KPNA6: variants seen among roughly 807,000 people sequenced by gnomAD.
KPNA6 encodes importin subunit alpha-7.
A neutral mutation model predicts 72.0 loss-of-function variants in KPNA6; 9 were observed. The observed-to-expected ratio is 0.13, with a 90% confidence interval of 0.08 to 0.22. KPNA6 has a LOEUF of 0.22. Among genes scored for constraint, KPNA6 ranks in the 10% least tolerant of loss-of-function variants. KPNA6 has a pLI of 1.00. For synonymous variants in KPNA6, 219 were observed against 242.1 expected (o/e 0.90, Z 0.89); for missense variants, 374 against 655.7 (o/e 0.57, Z 4.69).
intron 11 of KPNA6, among the ~76,000 whole-genome samples, chr1:32,166,611 C>T (rs1384767854): frequency 1.5e-4 from 18 of 121,006 alleles, no homozygotes; most frequent in Middle Eastern, 7.0e-3. Context: ...GGCAACAGAG[C>T]GAGACTCCGT....
At chr1:32,119,024 A>AT (rs1557457192) in intron 1 of KPNA6, among the ~76,000 whole-genome samples, 5 of 74,318 alleles carry the variant, frequency 6.7e-5, no homozygotes, top group African/African-American at 8.2e-5. Flanking sequence ...ATATATATAT[A>AT]TATATATATT....
chr1:32,139,930 T>C (rs1315335313), intron 1 of KPNA6, among the ~76,000 whole-genome samples: 1 of 152,212 alleles, frequency 6.6e-6, no homozygotes, highest in Non-Finnish European at 1.5e-5. Context: ...AAATTTTCCA[T>C]GATAAAATGT....
At chr1:32,156,142 G>C (rs1259320059) in intron 2 of KPNA6, among the ~76,000 whole-genome samples, 1 of 149,810 alleles carries the variant, frequency 6.7e-6, no homozygotes, top group East Asian at 2.0e-4. Flanking sequence ...TTGCCCTGTT[G>C]CCCAGGTTGG....
At chr1:32,157,555 G>T in intron 4 of KPNA6, 110 bp downstream of exon 4, 1 of 734,710 alleles carries the variant, frequency 1.4e-6, no homozygotes. Flanking sequence ...TAGCCCTACT[G>T]ACCTTGGTGT....
chr1:32,153,015 T>G (rs1570049497), intron 1 of KPNA6, among the ~76,000 whole-genome samples: 1 of 46,540 alleles, frequency 2.1e-5, no homozygotes, highest in Non-Finnish European at 3.6e-5. Context: ...AGACTCCATC[T>G]CAAAAAAAAA....
chr1:32,133,767 G>A (rs1411615619), intron 1 of KPNA6, among the ~76,000 whole-genome samples: 5 of 152,138 alleles, frequency 3.3e-5, no homozygotes, highest in East Asian at 1.9e-4. Context: ...CAGCATGGGC[G>A]TGGTGGCTCA....
Position 32,173,156 on chromosome 1 carries a change from AC to A in KPNA6, c.*2264del. On this transcript the variant is annotated 3_prime_UTR_variant, in exon 14 of 14. Coordinates refer to ENST00000373625, the MANE Select transcript of KPNA6 (RefSeq NM_012316.5). The stretch of plus-strand genomic sequence containing the variant: ...CTTGGCCTGCTACCTCCATTAAAAA[AC>A]CATTCTCTTACAGTTTAAAAAAAAA... The A allele has an allele frequency of 2.6e-6, 1 of 384,454 alleles. No homozygotes were observed. The highest frequency in any genetic ancestry group is 4.5e-6 in the Non-Finnish European group (1 of 223,622). The allele number at this position is 384,454 out of a possible 1,614,324, so 23.8% of individuals were successfully genotyped here. A position where few individuals can be genotyped will look rare whatever the true frequency, so the allele number is the denominator to read the frequency against.
At chr1:32,109,239 G>A (rs1254806819) in intron 1 of KPNA6, among the ~76,000 whole-genome samples, 1 of 152,066 alleles carries the variant, frequency 6.6e-6, no homozygotes, top group African/African-American at 2.4e-5. Flanking sequence ...CGCGATCTCG[G>A]CTCACTGCAA....
At chr1:32,121,988 G>A (rs762236341) in intron 1 of KPNA6, among the ~76,000 whole-genome samples, 36 of 148,918 alleles carry the variant, frequency 2.4e-4, no homozygotes, top group Admixed American at 6.1e-4. Flanking sequence ...AAAAAGCCAA[G>A]AGAGGCTGGG....
intron 1 of KPNA6, among the ~76,000 whole-genome samples, chr1:32,144,589 G>A (rs759011499): frequency 2.0e-5 from 3 of 152,060 alleles, no homozygotes; most frequent in Admixed American, 6.6e-5. Flanking sequence ...CTTAGCCAGC[G>A]TGTGCTTTTA....
chr1:32,171,919 A>G lies in KPNA6; in HGVS notation c.*1025A>G, dbSNP rs1380833243. 1 of 152,080 alleles carries G rather than the reference A, an allele frequency of 6.6e-6. No individual in the cohort carries two copies. Among genetic ancestry groups the G allele is most frequent in the East Asian group, 1.9e-4 (1 of 5,174 alleles). 9.4% of individuals were successfully genotyped at this position (152,080 alleles called of 1,614,324 possible). On this transcript the variant is annotated 3_prime_UTR_variant, in exon 14 of 14. Transcript: ENST00000373625. ...TCTGGTGACCTGTAAGTTGCAGAGGAGGGTGGAGTGAGAGTGTCATGTATT... is the reference window on the plus strand; with the variant it reads ...TCTGGTGACCTGTAAGTTGCAGAGGGGGGTGGAGTGAGAGTGTCATGTATT...
chr1:32,144,294 A>G (rs1641893033), intron 1 of KPNA6, among the ~76,000 whole-genome samples: 1 of 152,176 alleles, frequency 6.6e-6, no homozygotes, highest in African/African-American at 2.4e-5. Flanking sequence ...CCCAGGTGGA[A>G]TAGATGGTTA....
intron 1 of KPNA6, among the ~76,000 whole-genome samples, chr1:32,137,803 T>C (rs1053460533): frequency 6.6e-6 from 1 of 152,032 alleles, no homozygotes; most frequent in African/African-American, 2.4e-5. Context: ...CATGGGTGAC[T>C]CCAAGACCAG....
chr1:32,164,937 A>G (rs929573965), intron 10 of KPNA6, among the ~76,000 whole-genome samples: 2 of 151,924 alleles, frequency 1.3e-5, no homozygotes, highest in African/African-American at 4.8e-5. Context: ...TGTCTTTGTC[A>G]CCCAGGCTAG....
intron 1 of KPNA6, among the ~76,000 whole-genome samples, chr1:32,120,968 A>C (rs1307769381): frequency 6.7e-6 from 1 of 150,336 alleles, no homozygotes; most frequent in Non-Finnish European, 1.5e-5. Flanking sequence ...TCCTGAGTTC[A>C]AGCGTTCAAG....
At chr1:32,131,140 A>T (rs573838790) in intron 1 of KPNA6, among the ~76,000 whole-genome samples, 2 of 152,190 alleles carry the variant, frequency 1.3e-5, no homozygotes, top group East Asian at 3.9e-4. Flanking sequence ...CTAAAAATAC[A>T]GAAATTGGCC....
chr1:32,165,226 T>A (rs1262369115), intron 10 of KPNA6, among the ~76,000 whole-genome samples: 1 of 152,128 alleles, frequency 6.6e-6, no homozygotes, highest in Admixed American at 6.5e-5. Flanking sequence ...TTTTCTTTTT[T>A]AATTTTTTTT....
At chr1:32,152,063 C>T (rs1351453224) in intron 1 of KPNA6, among the ~76,000 whole-genome samples, 1 of 152,214 alleles carries the variant, frequency 6.6e-6, no homozygotes, top group Non-Finnish European at 1.5e-5. Context: ...GGCATGGTGG[C>T]TCATGCCTAT....
intron 5 of KPNA6, among the ~76,000 whole-genome samples, chr1:32,159,003 A>T (rs1303738408): frequency 6.6e-6 from 1 of 152,202 alleles, no homozygotes. Flanking sequence ...ACTTGCCAGA[A>T]CTCAGCTGAA....
Sources: gnomAD v4.1 joint callset for allele counts (sites outside exome capture counted in the v4.1 genomes callset) on GRCh38, gnomAD v4.1.1 for gene constraint, MANE v1.5 for transcripts, NCBI Gene and HGNC (gene_info 2026-07-23, HGNC 2026-07-21) for gene names.